The following CSMD1 variants were observed in gnomAD, a reference collection of about 807,000 sequenced individuals.
CSMD1 encodes the protein CUB and Sushi multiple domains 1, also known as CUB and sushi domain-containing protein 1.
A neutral mutation model predicts 417.5 loss-of-function variants in CSMD1; 213 were observed. The ratio of observed to expected loss-of-function variants is 0.51; its 90% CI spans 0.46 to 0.57. The LOEUF (loss-of-function observed/expected upper bound fraction) is 0.57, where lower values mean the gene tolerates loss of function less well. CSMD1 is among the 20% of genes least tolerant of loss of function. CSMD1 has a pLI of 0.00. For synonymous variants in CSMD1, 2,862 were observed against 1,736.8 expected, an observed-to-expected ratio of 1.65 and a Z score of -16.11; for missense variants, 6,923 against 4,529.7, an observed-to-expected ratio of 1.53 and a Z score of -15.17.
rs368057015 is a variant in CSMD1 at position 4,031,968 on chromosome 8, G to C, written c.547C>G (p.Leu183Val). 240 of 1,613,988 alleles carry C rather than the reference G, an allele frequency of 1.5e-4. No homozygotes were observed. Among genetic ancestry groups the C allele is most frequent in the Admixed American group, 3.8e-4 (23 of 60,024 alleles). The change falls in exon 4 of 70, where the codon CTG (leucine) becomes GTG (valine). Residue 183 changes from leucine (L) to valine (V), a missense_variant. Physicochemically the swap from Leu to Val is conservative, Grantham distance 32. Coordinates refer to ENST00000635120, the MANE Select transcript of CSMD1 (RefSeq NM_033225.6). ...TTTCCTGGGCTGACGATGCAGGTCA[G>C]GATGGCGTGGCCTTCCAAGATGTAG... ...PGYILEGHAI[L>V]TCIVSPGNGA... is the part of the protein sequence containing the mutation.
At chr8:3,817,541 A>G (rs1048401468) in intron 5 of CSMD1, among the ~76,000 whole-genome samples, 1 of 151,752 alleles carries the variant, frequency 6.6e-6, no homozygotes, top group African/African-American at 2.4e-5. Context: ...AGCCTCCCAA[A>G]GCGCAGGGAT....
chr8:4,238,957 G>C (rs905128430), intron 3 of CSMD1, among the ~76,000 whole-genome samples: 1 of 152,178 alleles, frequency 6.6e-6, no homozygotes, highest in African/African-American at 2.4e-5. Flanking sequence ...CTTCTGTAGA[G>C]AGTAGACAGC....
chr8:4,981,173 T>C (rs1810868669), intron 1 of CSMD1, among the ~76,000 whole-genome samples: 2 of 80,602 alleles, frequency 2.5e-5, no homozygotes, highest in African/African-American at 8.1e-5. Flanking sequence ...AACGTTCAAC[T>C]GAAAACGCTT....
chr8:4,646,312 T>A (rs1803511558), intron 1 of CSMD1, among the ~76,000 whole-genome samples: 1 of 152,202 alleles, frequency 6.6e-6, no homozygotes, highest in Non-Finnish European at 1.5e-5. Context: ...GTGATGACAC[T>A]TCATCTTGGG....
At chr8:4,009,671 C>A (rs959737896) in intron 4 of CSMD1, among the ~76,000 whole-genome samples, 6 of 152,084 alleles carry the variant, frequency 3.9e-5, no homozygotes, top group Admixed American at 3.9e-4. Context: ...GCTTGTAATA[C>A]TGGGAGATAT....
At chr8:4,787,127 G>C (rs1797441340) in intron 1 of CSMD1, among the ~76,000 whole-genome samples, 1 of 152,188 alleles carries the variant, frequency 6.6e-6, no homozygotes, top group African/African-American at 2.4e-5. Context: ...AACTTTTAGA[G>C]GGAAACTATC....
At chr8:3,449,013 T>C (rs1815513347) in intron 12 of CSMD1, among the ~76,000 whole-genome samples, 1 of 152,090 alleles carries the variant, frequency 6.6e-6, no homozygotes, top group South Asian at 2.1e-4. Flanking sequence ...CAAACACGTA[T>C]TAGTAGGAGG....
intron 18 of CSMD1, among the ~76,000 whole-genome samples, chr8:3,377,522 A>G (rs772741663): frequency 3.3e-5 from 5 of 152,198 alleles, no homozygotes; most frequent in Non-Finnish European, 7.3e-5. Context: ...TCCCTATAGC[A>G]TCTCAATTCC....
intron 3 of CSMD1, among the ~76,000 whole-genome samples, chr8:4,114,263 A>G (rs1380907131): frequency 2.0e-5 from 3 of 152,206 alleles, no homozygotes; most frequent in Non-Finnish European, 2.9e-5. Context: ...GCTCTTAAGA[A>G]TGATGCTAAA....
chr8:4,424,384 GAA>G (rs147206372), intron 2 of CSMD1, among the ~76,000 whole-genome samples: 2,223 of 151,900 alleles, frequency 0.015, 51 homozygotes, highest in African/African-American at 0.05. Flanking sequence ...GCAACAAGCA[GAA>G]AAGTCAGGTG....
At chr8:3,621,064 C>A (rs946089097) in intron 7 of CSMD1, among the ~76,000 whole-genome samples, 6 of 152,142 alleles carry the variant, frequency 3.9e-5, no homozygotes, top group African/African-American at 1.4e-4. Context: ...AAAGGAAAGT[C>A]CATGTGAAGA....
intron 3 of CSMD1, among the ~76,000 whole-genome samples, chr8:4,281,311 T>G (rs1476433030): frequency 1.3e-5 from 2 of 152,220 alleles, no homozygotes; most frequent in East Asian, 3.8e-4. Flanking sequence ...AACCTGATAG[T>G]AACTGCGAGA....
intron 3 of CSMD1, among the ~76,000 whole-genome samples, chr8:4,289,156 AAGAC>A (rs1380459091): frequency 6.6e-6 from 1 of 152,196 alleles, no homozygotes; most frequent in Non-Finnish European, 1.5e-5. Context: ...CACCCGTTCT[AAGAC>A]AGTGTATATT....
rs368709052 is a variant in CSMD1, at chr8:2,961,656, A to G, written c.9629-442T>C. 1.8e-4 allele frequency among the ~76,000 whole-genome samples: 27 copies of G among 152,316 alleles called. No homozygotes were observed. In the East Asian group the frequency reaches 2.9e-3, roughly 16 times the overall value. On this transcript the variant is annotated intron_variant, in intron 61 of 69. Coordinates refer to ENST00000635120, the MANE Select transcript of CSMD1 (RefSeq NM_033225.6). ...CATTTCAAAATGAAAAATATATTTA[A>G]TGCTTCATAATGGAACCACATGGAA... is the stretch of plus-strand genomic sequence containing the variant.
intron 1 of CSMD1, among the ~76,000 whole-genome samples, chr8:4,897,567 G>T (rs6558936): frequency 0.011 from 1,605 of 152,084 alleles, 35 homozygotes; most frequent in African/African-American, 0.034. Flanking sequence ...ATTGCAATTT[G>T]TTACTCCGTT....
intron 41 of CSMD1, among the ~76,000 whole-genome samples, chr8:3,135,269 T>C (rs1312566048): frequency 2.6e-5 from 4 of 152,210 alleles, no homozygotes; most frequent in Non-Finnish European, 5.9e-5. Flanking sequence ...CATGAGGACA[T>C]AAGAAAACAC....
At chr8:3,700,365 ATGTG>A (rs544103218) in intron 7 of CSMD1, 10 of 152,354 alleles carry the variant, frequency 6.6e-5, no homozygotes, top group African/African-American at 2.4e-4. Context: ...GGGTTACTTT[ATGTG>A]TGTGTTTATG....
At chr8:4,305,397 G>A (rs1798191877) in intron 3 of CSMD1, among the ~76,000 whole-genome samples, 2 of 152,064 alleles carry the variant, frequency 1.3e-5, no homozygotes, top group African/African-American at 4.8e-5. Context: ...GATTTGCTGA[G>A]GGTTCCATCA....
At chr8:3,078,044 G>C (rs953516010) in intron 49 of CSMD1, among the ~76,000 whole-genome samples, 2 of 152,176 alleles carry the variant, frequency 1.3e-5, no homozygotes, top group African/African-American at 4.8e-5. Flanking sequence ...AGTATTCCAT[G>C]TCAGGTTTAT....
Sources: allele counts gnomAD v4.1 joint callset (sites outside exome capture counted in the v4.1 genomes callset), GRCh38; gene constraint gnomAD v4.1.1; transcripts MANE v1.5; gene names NCBI Gene and HGNC (gene_info 2026-07-23, HGNC 2026-07-21).